The following DYNC2H1 variants were observed in gnomAD, a reference collection of about 807,000 sequenced individuals.
DYNC2H1 encodes the protein cytoplasmic dynein 2 heavy chain 1.
DYNC2H1 carries 410 observed loss-of-function variants against 570.0 expected under a neutral mutation model. The ratio of observed to expected loss-of-function variants is 0.72; its 90% confidence interval spans 0.66 to 0.78. The LOEUF (loss-of-function observed/expected upper bound fraction) is 0.78, where lower values mean the gene tolerates loss of function less well. Among genes scored for constraint, DYNC2H1 ranks in the 30% least tolerant of loss-of-function variants. DYNC2H1 has a pLI of 0.00. For synonymous variants in DYNC2H1, 1,688 were observed against 1,677.6 expected (o/e 1.01, Z -0.15); for missense variants, 4,865 against 5,046.4 (o/e 0.96, Z 1.09).
In DYNC2H1 at chr11:103,157,416, T is replaced by C. The variant is rs887163824; in HGVS notation, c.4127+646T>C. Among the ~76,000 whole-genome samples the C allele has an allele frequency of 2.0e-5, 3 of 152,274 alleles. No homozygotes were observed. Among genetic ancestry groups the C allele is most frequent in the Non-Finnish European group, 2.9e-5 (2 of 68,044 alleles). ...GCTAAAACTGAATCCATGAGCTTAA[T>C]TTACCAGTTCCTTTCCAACAAATCT... On this transcript the variant is annotated intron_variant, in intron 26 of 88. Coordinates refer to ENST00000375735, the MANE Select transcript of DYNC2H1 (RefSeq NM_001377.3). The surrounding 1 kb of genome is among the most constrained non-coding windows in gnomAD (Gnocchi z 4.2).
At chr11:103,407,087 C>A (rs7935069) in intron 84 of DYNC2H1, 10 of 151,164 alleles carry the variant, frequency 6.6e-5, no homozygotes, top group African/African-American at 2.4e-4. Context: ...TCTCCAGGGC[C>A]GGGATTTATT....
chr11:103,221,788 G>A (rs944672439), intron 57 of DYNC2H1, among the ~76,000 whole-genome samples: 7 of 152,078 alleles, frequency 4.6e-5, no homozygotes, highest in African/African-American at 1.4e-4. Context: ...CCCAGGAGGT[G>A]GAGATTGCAG....
intron 83 of DYNC2H1, among the ~76,000 whole-genome samples, chr11:103,374,760 C>T (rs1005185368): frequency 4.0e-4 from 61 of 152,150 alleles, no homozygotes; most frequent in African/African-American, 1.2e-3. Context: ...TTTAGGGTAT[C>T]TGGCAGGAGA....
chr11:103,133,535 G>A lies in DYNC2H1; in HGVS notation c.1954-20G>A, dbSNP rs1198026325. ...AAAAGAAATACTTATACATACTAAA[G>A]GTTATTTATTGTACCATAGAATTCA... On this transcript the variant is annotated intron_variant, in intron 13 of 88. Transcript: ENST00000375735. This position sits in a 1 kb window ranked among gnomAD's most constrained non-coding sequence, Gnocchi z 4.8. 1.9e-6 allele frequency: 3 copies of A among 1,587,302 alleles called. No homozygotes were observed. Among genetic ancestry groups the A allele is most frequent in the Non-Finnish European group, 2.6e-6 (3 of 1,172,676 alleles).
At chr11:103,310,230 T>C (rs972291507) in intron 78 of DYNC2H1, among the ~76,000 whole-genome samples, 4 of 152,098 alleles carry the variant, frequency 2.6e-5, no homozygotes, top group African/African-American at 7.2e-5. Context: ...TTTCTTCTTT[T>C]TTCTGTTTTC....
intron 6 of DYNC2H1, 71 bp downstream of exon 6, chr11:103,117,934 T>G (rs1858500471): frequency 7.6e-7 from 1 of 1,310,824 alleles, no homozygotes; most frequent in Admixed American, 2.4e-5. Flanking sequence ...TAAATGTATT[T>G]TATAATCAAT....
Position 103,181,434 on chromosome 11 carries a change from A to G in DYNC2H1, c.6348-323A>G, listed in dbSNP as rs1387487229. Among the ~76,000 whole-genome samples, 1 of 151,622 alleles carries G rather than the reference A, an allele frequency of 6.6e-6. No individual in the cohort carries two copies. The highest frequency in any genetic ancestry group is 6.6e-5 in the Admixed American group (1 of 15,176). ...TTTAGGCTATGTAGAGCCTATGTAG[A>G]GTAGGTTGTGTAGATATATAATTCT... On this transcript the variant is annotated intron_variant, in intron 39 of 88. Coordinates refer to ENST00000375735, the MANE Select transcript of DYNC2H1 (RefSeq NM_001377.3). This position sits in a 1 kb window ranked among gnomAD's most constrained non-coding sequence, Gnocchi z 5.0.
intron 88 of DYNC2H1, among the ~76,000 whole-genome samples, chr11:103,475,576 T>C (rs947291072): frequency 3.9e-5 from 6 of 152,254 alleles, no homozygotes; most frequent in African/African-American, 1.4e-4. Context: ...GTATTTAACT[T>C]TTTTACAGAA....
intron 79 of DYNC2H1, among the ~76,000 whole-genome samples, chr11:103,312,380 C>CAAAAAA (rs775259300): frequency 4.2e-5 from 2 of 48,122 alleles, no homozygotes; most frequent in Non-Finnish European, 3.9e-5. Flanking sequence ...AACTCCATCT[C>CAAAAAA]AAAAAAAAAA....
intron 82 of DYNC2H1, among the ~76,000 whole-genome samples, chr11:103,351,768 A>G (rs906329170): frequency 6.6e-6 from 1 of 152,134 alleles, no homozygotes; most frequent in African/African-American, 2.4e-5. Context: ...AATTTTTACT[A>G]GCCTTTGTAA....
At chr11:103,154,671 C>A in intron 23 of DYNC2H1, 24 bp from the exon 24 acceptor site, 2 of 1,565,336 alleles carry the variant, frequency 1.3e-6, no homozygotes, top group South Asian at 2.4e-5. Context: ...GTAATCTTTG[C>A]AATGTGTTTT....
intron 83 of DYNC2H1, among the ~76,000 whole-genome samples, chr11:103,360,045 AC>A (rs1033495085): frequency 1.3e-5 from 2 of 151,914 alleles, no homozygotes; most frequent in African/African-American, 4.8e-5. Flanking sequence ...CCCCCTAATT[AC>A]CTGATTCCTA....
chr11:103,425,869 C>A (rs1404125489), intron 84 of DYNC2H1, among the ~76,000 whole-genome samples: 8 of 151,766 alleles, frequency 5.3e-5, no homozygotes, highest in African/African-American at 1.9e-4. Context: ...ATATAAATTT[C>A]ATTATATACA....
rs1178144312 is a variant in DYNC2H1 at position 103,254,556 on chromosome 11, A to G, written c.10207-859A>G. 1.3e-5 allele frequency among the ~76,000 whole-genome samples: 2 copies of G among 152,172 alleles called. No homozygotes were observed. Among genetic ancestry groups the G allele is most frequent in the African/African-American group, 4.8e-5 (2 of 41,438 alleles). On this transcript the variant is annotated intron_variant, in intron 66 of 88. Transcript: ENST00000375735. This position sits in a 1 kb window ranked among gnomAD's most constrained non-coding sequence, Gnocchi z 4.9. ...TTTTTTAGTGGAATTGCTGGGTCTT[A>G]TGGTTACTTTATATTTGGCAATTTG... is the stretch of plus-strand genomic sequence containing the variant.
chr11:103,207,462 T>C (rs1278905233), intron 52 of DYNC2H1, among the ~76,000 whole-genome samples: 2 of 151,900 alleles, frequency 1.3e-5, no homozygotes, highest in African/African-American at 4.8e-5. Flanking sequence ...GAAAGCAGAA[T>C]AGAGGGGGAT....
chr11:103,434,413 A>AT (rs1943992752), intron 84 of DYNC2H1, among the ~76,000 whole-genome samples: 1 of 129,546 alleles, frequency 7.7e-6, no homozygotes, highest in African/African-American at 3.1e-5. Context: ...GTTGTCTGAG[A>AT]TTTTTCCTTC....
chr11:103,408,316 T>C (rs1413572681), intron 84 of DYNC2H1: 2 of 152,020 alleles, frequency 1.3e-5, no homozygotes, highest in South Asian at 4.1e-4. Flanking sequence ...TCAATGAATG[T>C]AAGGAATGCT....
chr11:103,301,422 A>G (rs1314414111), intron 75 of DYNC2H1, among the ~76,000 whole-genome samples: 2 of 151,964 alleles, frequency 1.3e-5, no homozygotes, highest in Admixed American at 1.3e-4. Flanking sequence ...TAATTGGCCT[A>G]GATGTTTATT....
intron 82 of DYNC2H1, among the ~76,000 whole-genome samples, chr11:103,356,879 A>C (rs1425449809): frequency 6.6e-6 from 1 of 152,172 alleles, no homozygotes; most frequent in Non-Finnish European, 1.5e-5. Flanking sequence ...CAAAATATGA[A>C]ATATAGTTCA....
Sources: allele counts gnomAD v4.1 joint callset (sites outside exome capture counted in the v4.1 genomes callset), GRCh38; gene constraint gnomAD v4.1.1; non-coding constraint Gnocchi (gnomAD v3.1); transcripts MANE v1.5; gene names NCBI Gene and HGNC (gene_info 2026-07-23, HGNC 2026-07-21).